ABR: variants seen among roughly 807,000 people sequenced by gnomAD.
ABR encodes the protein active breakpoint cluster region-related protein.
In ABR, 35 loss-of-function variants were observed where a neutral mutation model predicts 107.2. That is an observed-to-expected ratio of 0.33 (90% confidence interval 0.25 to 0.43). The LOEUF is 0.43. Among genes scored for constraint, ABR ranks in the 20% least tolerant of loss-of-function variants. The pLI is 1.00. For missense variants in ABR, 815 were observed against 1,115.2 expected (o/e 0.73, Z 3.83); for synonymous variants, 498 against 462.0 (o/e 1.08, Z -1.00).
At chr17:1,153,862 A>C in intron 1 of ABR, 1 of 207,618 alleles carries the variant, frequency 4.8e-6, no homozygotes, top group Non-Finnish European at 9.9e-6. Context: ...CACGCATCAC[A>C]TGGTGAGAAA....
At position 1,010,370 on chromosome 17, in the gene ABR, A is replaced by C; in HGVS notation, c.2236+359T>G. ...CAGCACAACCCATCTCGAGTGCCCT[A>C]TGGCTTAAGCCAGCCTCCTCCTTGG... On this transcript the variant is annotated intron_variant, in intron 20 of 22. Transcript: ENST00000302538. The surrounding 1 kb of genome is among the most constrained non-coding windows in gnomAD (Gnocchi z 4.1). 3.5e-6 allele frequency: 1 copy of C among 287,470 alleles called. No individual in the cohort carries two copies. The highest frequency in any genetic ancestry group is 6.7e-6 in the Non-Finnish European group (1 of 149,422). The allele number at this position is 287,470 out of a possible 1,614,324, so 17.8% of individuals were successfully genotyped here. A position where few individuals can be genotyped will look rare whatever the true frequency, so the allele number is the denominator to read the frequency against.
upstream of ABR, among the ~76,000 whole-genome samples, chr17:1,189,536 G>C (rs1294936146): frequency 6.6e-6 from 1 of 152,008 alleles, no homozygotes; most frequent in African/African-American, 2.4e-5. Flanking sequence ...ACCTGTGGCC[G>C]GGCCTCTGCA....
chr17:1,184,156 C>CAA (rs979740958), upstream of ABR, among the ~76,000 whole-genome samples: 3 of 125,428 alleles, frequency 2.4e-5, no homozygotes, highest in Admixed American at 8.0e-5. Context: ...GACTCCCTCT[C>CAA]AAAAAAAAAA....
In ABR at chr17:1,079,894, G is replaced by C. The variant is rs77564006; in HGVS notation, c.640-504C>G. 2.5e-3 allele frequency among the ~76,000 whole-genome samples: 379 copies of C among 149,444 alleles called. 1 individual carries two copies. Among genetic ancestry groups the C allele is most frequent in the Non-Finnish European group, 4.4e-3 (293 of 67,342 alleles). On this transcript the variant is annotated intron_variant, in intron 5 of 22. Coordinates refer to ENST00000302538, the MANE Select transcript of ABR (RefSeq NM_021962.5). ...CCCCAATCCCCTGCACCACACCTGT[G>C]AACTCCTGGAGCCTCGTGGAGTCCA... is the stretch of plus-strand genomic sequence containing the variant.
At chr17:1,058,112 G>GA in intron 11 of ABR, 67 bp from the exon 12 acceptor site, 3 of 1,043,894 alleles carry the variant, frequency 2.9e-6, no homozygotes, top group Non-Finnish European at 2.9e-6. Flanking sequence ...CAGATCCTGG[G>GA]GACCCCAACA....
At chr17:1,204,318 G>C (rs1241680760) in intron 1 of ABR, among the ~76,000 whole-genome samples, 1 of 152,164 alleles carries the variant, frequency 6.6e-6, no homozygotes, top group Admixed American at 6.5e-5. Context: ...GGTGGTGCGC[G>C]CCTGTAATCC....
At position 1,090,872 on chromosome 17, in the gene ABR, G is replaced by C. The variant is rs189824174; in HGVS notation, c.531+793C>G. 2.3e-3 allele frequency among the ~76,000 whole-genome samples: 343 copies of C among 152,308 alleles called. 9 individuals carry two copies. Among genetic ancestry groups the C allele is most frequent in the Admixed American group, 0.021 (326 of 15,292 alleles). ...CCTCTTGCCTGCTGGGCGGTCAGAC[G>C]TTACGTAGCAGAGGTGGGGAGGGAG... On this transcript the variant is annotated intron_variant, in intron 4 of 22. Transcript: ENST00000302538.
intron 4 of ABR, among the ~76,000 whole-genome samples, chr17:1,085,194 G>A (rs1188108080): frequency 1.5e-5 from 2 of 133,750 alleles, no homozygotes; most frequent in Non-Finnish European, 3.1e-5. Flanking sequence ...CTCACTACAA[G>A]CTCCACCTCC....
chr17:1,192,710 C>T (rs997665569), intron 1 of ABR, among the ~76,000 whole-genome samples: 35 of 151,894 alleles, frequency 2.3e-4, no homozygotes, highest in Admixed American at 1.6e-3. Context: ...GCCACGAGTT[C>T]AAGACCAGCC....
At chr17:1,109,989 C>A (rs1251553278) in intron 2 of ABR, among the ~76,000 whole-genome samples, 2 of 140,290 alleles carry the variant, frequency 1.4e-5, no homozygotes, top group Non-Finnish European at 3.1e-5. Flanking sequence ...AGGACCCCCA[C>A]CTCCTCTGAG....
upstream of ABR, among the ~76,000 whole-genome samples, chr17:1,187,696 C>G (rs1233328022): frequency 6.6e-6 from 1 of 151,828 alleles, no homozygotes; most frequent in East Asian, 1.9e-4. Context: ...TCGAGACCAG[C>G]CTGGCCAATA....
At chr17:1,080,547 C>T (rs1437814083) in intron 5 of ABR, among the ~76,000 whole-genome samples, 1 of 151,584 alleles carries the variant, frequency 6.6e-6, no homozygotes, top group Admixed American at 6.6e-5. Flanking sequence ...GGTCAGGTGC[C>T]CAGGTGATGA....
In ABR at chr17:1,073,857, C is replaced by T. The variant is rs564515300; in HGVS notation, c.701-180G>A. Among the ~76,000 whole-genome samples the T allele has an allele frequency of 4.1e-3, 624 of 152,158 alleles. 6 individuals are homozygous for T. The highest frequency in any genetic ancestry group is 0.014 in the African/African-American group (597 of 41,516). On this transcript the variant is annotated intron_variant, in intron 6 of 22. Transcript: ENST00000302538. ...CTCACTCCCCGGGCCGACCAAACAG[C>T]AGACACAGGTGACACACAGCCCTGG...
intron 2 of ABR, among the ~76,000 whole-genome samples, chr17:1,106,502 C>A (rs898916924): frequency 1.4e-5 from 2 of 146,494 alleles, no homozygotes; most frequent in Non-Finnish European, 3.0e-5. Context: ...ATTTGGTGCC[C>A]TTTTATCAGT....
chr17:1,221,165 G>T (rs2043113871), intron 1 of ABR, among the ~76,000 whole-genome samples: 1 of 152,128 alleles, frequency 6.6e-6, no homozygotes, highest in Non-Finnish European at 1.5e-5. Context: ...ATTTTTCCTT[G>T]TAACAGAGCC....
intron 16 of ABR, chr17:1,022,502 G>A (rs72812091): frequency 0.045 from 6,883 of 154,422 alleles, 202 homozygotes; most frequent in Non-Finnish European, 0.07. Context: ...TCGAGGAGGC[G>A]CCGGAGGATT....
At chr17:1,142,689 G>A (rs2040336662) in intron 1 of ABR, among the ~76,000 whole-genome samples, 1 of 152,166 alleles carries the variant, frequency 6.6e-6, no homozygotes, top group Non-Finnish European at 1.5e-5. Flanking sequence ...GGCAGGGCTT[G>A]TCCTCAGTCT....
intron 16 of ABR, among the ~76,000 whole-genome samples, chr17:1,026,588 G>A (rs952497601): frequency 1.1e-4 from 17 of 152,218 alleles, no homozygotes; most frequent in Admixed American, 3.9e-4. Context: ...GGCCCCTCCC[G>A]CCTCTCCAGG....
intron 1 of ABR, among the ~76,000 whole-genome samples, chr17:1,214,254 G>A (rs1265659177): frequency 3.4e-5 from 5 of 146,898 alleles, no homozygotes; most frequent in South Asian, 2.1e-4. Context: ...CTAAAGATAA[G>A]CTAACTTCAG....
Sources: gnomAD v4.1 joint callset for allele counts (sites outside exome capture counted in the v4.1 genomes callset) on GRCh38, gnomAD v4.1.1 for gene constraint, Gnocchi (gnomAD v3.1) non-coding constraint, MANE v1.5 for transcripts, NCBI Gene and HGNC (gene_info 2026-07-23, HGNC 2026-07-21) for gene names.